The following LRRC57 variants were observed in gnomAD, a reference collection of about 807,000 sequenced individuals.
LRRC57 encodes leucine rich repeat containing 57, also known as leucine-rich repeat-containing protein 57.
A neutral mutation model predicts 23.1 loss-of-function variants in LRRC57; 14 were observed. The ratio of observed to expected loss-of-function variants is 0.61; its 90% confidence interval spans 0.40 to 0.95. The LOEUF (loss-of-function observed/expected upper bound fraction) is 0.95, where lower values mean the gene tolerates loss of function less well. Among genes scored for constraint, LRRC57 ranks in the 40% least tolerant of loss-of-function variants. The probability of loss-of-function intolerance (pLI) is 0.00; values close to 1 mark genes in which losing one functional copy is unlikely to be tolerated. For missense variants in LRRC57, 236 were observed against 284.4 expected (o/e 0.83, Z 1.22); for synonymous variants, 106 against 115.2 (o/e 0.92, Z 0.51).
chr15:42,531,421 C>T, the LRRC57 span: 2 of 1,576,386 alleles, frequency 1.3e-6, no homozygotes, highest in African/African-American at 2.7e-5. Context: ...AGGCTGACAC[C>T]AACAGAGATC....
In LRRC57 at chr15:42,547,527, C is replaced by A. The variant is rs756962239; in HGVS notation, c.226G>T (p.Val76Phe). The change falls in exon 4 of 6, where the codon GTT becomes TTT. Residue 76 changes from valine (V) to phenylalanine (F), a missense_variant and splice_region_variant. Transcript: ENST00000397130. ...AGATTGCATATCTCATCAGGCAGAA[C>A]AGCTGGCAAAGAAAAATTTTTTTAA... ...SLSLNNNKLT[V>F]LPDEICNLKK... is the part of the protein sequence containing the mutation. 3.1e-6 allele frequency: 5 copies of A among 1,594,176 alleles called. No homozygotes were observed. The highest frequency in any genetic ancestry group is 4.3e-6 in the Non-Finnish European group (5 of 1,169,776).
rs1428993515 is a variant in LRRC57 at position 42,548,093 on chromosome 15, G to A, written c.223+13C>T. ...CTGATCACTAGCAAAAGCCTCCCTG[G>A]CGAGAGCCATACTCAGTTTGTTGTT... On this transcript the variant is annotated intron_variant, in intron 3 of 5. Transcript: ENST00000397130. The A allele has an allele frequency of 1.2e-6, 2 of 1,613,960 alleles. No homozygotes were observed. Among genetic ancestry groups the A allele is most frequent in the Non-Finnish European group, 8.5e-7 (1 of 1,179,886 alleles).
chr15:42,537,632 A>C (rs1158116918), downstream of LRRC57, among the ~76,000 whole-genome samples: 2 of 152,240 alleles, frequency 1.3e-5, no homozygotes, highest in Non-Finnish European at 2.9e-5. Flanking sequence ...AGATAATGGA[A>C]TCAACCTAAG....
chr15:42,547,665 G>C lies in LRRC57; in HGVS notation c.224-136C>G, dbSNP rs1426164567. 7.8e-6 allele frequency: 6 copies of C among 773,784 alleles called. No individual in the cohort carries two copies. In the East Asian group the frequency reaches 1.3e-4, roughly 17 times the overall value. 47.9% of individuals were successfully genotyped at this position (773,784 alleles called of 1,614,324 possible). On this transcript the variant is annotated intron_variant, in intron 3 of 5. Coordinates refer to ENST00000397130, the MANE Select transcript of LRRC57 (RefSeq NM_153260.3). ...AAAACTCCCACATGTGCCATTTTTA[G>C]ATATTGCATTTTACCAACATAGTCT...
chr15:42,543,890 T>C lies in LRRC57; in HGVS notation c.*193A>G. On this transcript the variant is annotated 3_prime_UTR_variant, in exon 6 of 6. Coordinates refer to ENST00000397130, the MANE Select transcript of LRRC57 (RefSeq NM_153260.3). ...AAAACGGAAGACTTTTCCTGTCTCCTGATCCTTTTTCTTTTAGCTTATTTG... is the reference window on the plus strand; with the variant it reads ...AAAACGGAAGACTTTTCCTGTCTCCCGATCCTTTTTCTTTTAGCTTATTTG... 2.1e-6 allele frequency: 1 copy of C among 480,562 alleles called. No individual in the cohort carries two copies. The allele number at this position is 480,562 out of a possible 1,614,324, so 29.8% of individuals were successfully genotyped here.
rs1299389631 is a variant in LRRC57, at chr15:42,538,110, T to C, written c.*5973A>G. On this transcript the variant is annotated 3_prime_UTR_variant, in exon 6 of 6. Transcript: ENST00000397130. ...TAATGAATAACATAAATATCCTGAC[T>C]TGATCATTATACATTCTATGCATGT... The C allele has an allele frequency of 2.0e-5, 3 of 152,208 alleles. No homozygotes were observed. Among genetic ancestry groups the C allele is most frequent in the East Asian group, 3.8e-4 (2 of 5,200 alleles). The allele number at this position is 152,208 out of a possible 1,614,324, so 9.4% of individuals were successfully genotyped here. A position where few individuals can be genotyped will look rare whatever the true frequency, so the allele number is the denominator to read the frequency against.
intron 1 of LRRC57, 61 bp downstream of exon 1, chr15:42,548,632 A>C: frequency 1.6e-6 from 1 of 635,626 alleles, no homozygotes; most frequent in Non-Finnish European, 2.7e-6. Flanking sequence ...CCGCCTTTGC[A>C]GCTCTGCGGA....
chr15:42,542,025 C>T lies in LRRC57; in HGVS notation c.*2058G>A, dbSNP rs966750407. 5.3e-5 allele frequency: 8 copies of T among 150,032 alleles called. No individual in the cohort carries two copies. Among genetic ancestry groups the T allele is most frequent in the African/African-American group, 1.5e-4 (6 of 40,630 alleles). 9.3% of individuals were successfully genotyped at this position (150,032 alleles called of 1,614,324 possible). A position where few individuals can be genotyped will look rare whatever the true frequency, so the allele number is the denominator to read the frequency against. On this transcript the variant is annotated 3_prime_UTR_variant, in exon 6 of 6. Transcript: ENST00000397130. Reference sequence around the variant, plus strand: ...CTGCCCGCCTCGGCCTCCCAAAGTGCTGGGATTACAGGCGTGAGCCACCGC... The same window carrying T: ...CTGCCCGCCTCGGCCTCCCAAAGTGTTGGGATTACAGGCGTGAGCCACCGC...
Position 42,543,799 on chromosome 15 carries a change from G to T in LRRC57, c.*284C>A. 1 of 329,662 alleles carries T rather than the reference G, an allele frequency of 3.0e-6. No homozygotes were observed. The highest frequency in any genetic ancestry group is 4.4e-5 in the Admixed American group (1 of 22,526). 20.4% of individuals were successfully genotyped at this position (329,662 alleles called of 1,614,324 possible). On this transcript the variant is annotated 3_prime_UTR_variant, in exon 6 of 6. Coordinates refer to ENST00000397130, the MANE Select transcript of LRRC57 (RefSeq NM_153260.3). The stretch of plus-strand genomic sequence containing the variant: ...ACCATATAAATAGCAGCTAGCTACT[G>T]GTTTCTTAAAGCCAAACTAATGATG...
chr15:42,529,260 C>G, the LRRC57 span, among the ~76,000 whole-genome samples: 1 of 152,124 alleles, frequency 6.6e-6, no homozygotes, highest in South Asian at 2.1e-4. Flanking sequence ...CAACCTCTCT[C>G]TTAGGGCAGT....
chr15:42,529,068 G>A, the LRRC57 span, among the ~76,000 whole-genome samples: 12 of 152,154 alleles, frequency 7.9e-5, no homozygotes, highest in East Asian at 2.1e-3. Flanking sequence ...GATCTGTAAC[G>A]AGCCAGAGAG....
chr15:42,547,946 G>T, intron 3 of LRRC57, 160 bp downstream of exon 3: 1 of 661,002 alleles, frequency 1.5e-6, no homozygotes. Flanking sequence ...TATTTTAGAT[G>T]TAATTACAAG....
chr15:42,531,292 G>A, the LRRC57 span: 1 of 565,708 alleles, frequency 1.8e-6, no homozygotes, highest in Non-Finnish European at 3.0e-6. Context: ...CATGAGTTTT[G>A]TAATGTAACT....
chr15:42,541,861 G>C lies in LRRC57; in HGVS notation c.*2222C>G, dbSNP rs949401831. Reference sequence around the variant, plus strand: ...TGCAAGCTCCGCCTCCCGGGTTCACGCCATTCTCCTGCCTCAGCCTCCCAT... The same window carrying C: ...TGCAAGCTCCGCCTCCCGGGTTCACCCCATTCTCCTGCCTCAGCCTCCCAT... On this transcript the variant is annotated 3_prime_UTR_variant, in exon 6 of 6. Coordinates refer to ENST00000397130, the MANE Select transcript of LRRC57 (RefSeq NM_153260.3). 6.6e-6 allele frequency: 1 copy of C among 150,512 alleles called. No homozygotes were observed. The highest frequency in any genetic ancestry group is 1.5e-5 in the Non-Finnish European group (1 of 67,818). The allele number at this position is 150,512 out of a possible 1,614,324, so 9.3% of individuals were successfully genotyped here.
chr15:42,544,842 C>CACAATATATATATATATATA, intron 5 of LRRC57, among the ~76,000 whole-genome samples: 8 of 98,024 alleles, frequency 8.2e-5, no homozygotes, highest in African/African-American at 3.3e-4. Context: ...CACACACACA[C>CACAATATATATATATATATA]TATATATATA....
Position 42,545,251 on chromosome 15 carries a change from G to T in LRRC57, c.504C>A (p.Ile168=). 6.4e-7 allele frequency: 1 copy of T among 1,570,122 alleles called. No homozygotes were observed. The highest frequency in any genetic ancestry group is 2.3e-5 in the East Asian group (1 of 43,860). ...LNLNQNQISQ[I]SVKISCCPRL... ...GTGGACAGCAAGATATCTTCACTGA[G>T]ATCTGAGATATCTATTGAAAAACCA... Residue 168 remains isoleucine, a synonymous_variant, in exon 5 of 6, where the codon ATC becomes ATA. Coordinates refer to ENST00000397130, the MANE Select transcript of LRRC57 (RefSeq NM_153260.3).
intron 1 of LRRC57, 115 bp downstream of exon 1, chr15:42,548,578 C>T: frequency 1.3e-6 from 1 of 774,244 alleles, no homozygotes; most frequent in South Asian, 1.7e-5. Flanking sequence ...CCAAGAGCGA[C>T]AAGGAAGAAA....
At chr15:42,534,259 T>C (rs1411892480), downstream of LRRC57, among the ~76,000 whole-genome samples, 1 of 152,162 alleles carries the variant, frequency 6.6e-6, no homozygotes, top group Non-Finnish European at 1.5e-5. Flanking sequence ...GCCTCCTGAG[T>C]AGCTGGGATT....
rs141596096 is a variant in LRRC57, at chr15:42,538,145, T to C, written c.*5938A>G. On this transcript the variant is annotated 3_prime_UTR_variant, in exon 6 of 6. Coordinates refer to ENST00000397130, the MANE Select transcript of LRRC57 (RefSeq NM_153260.3). ...TACATTCTATGCATGTCTCAGAATA[T>C]CACAAGTACCCCATAAATATGAACA... 3 of 152,262 alleles carry C rather than the reference T, an allele frequency of 2.0e-5. No homozygotes were observed. Among genetic ancestry groups the C allele is most frequent in the African/African-American group, 7.2e-5 (3 of 41,550 alleles). 9.4% of individuals were successfully genotyped at this position (152,262 alleles called of 1,614,324 possible).
Sources: allele counts gnomAD v4.1 joint callset (sites outside exome capture counted in the v4.1 genomes callset), GRCh38; gene constraint gnomAD v4.1.1; transcripts MANE v1.5; gene names NCBI Gene and HGNC (gene_info 2026-07-23, HGNC 2026-07-21).